Variants in TTN observed in about 807,000 individuals in gnomAD.
TTN encodes connectin.
In TTN, 1,525 loss-of-function variants were observed where a neutral mutation model predicts 3,223.0. That is an observed-to-expected ratio of 0.47 (90% confidence interval 0.45 to 0.49). TTN has a LOEUF of 0.49. TTN is among the 20% of genes least tolerant of loss of function. TTN has a pLI of 0.00. For missense variants in TTN, 40,786 were observed against 43,424.0 expected (o/e 0.94, Z 5.40); for synonymous variants, 14,094 against 15,161.0 (o/e 0.93, Z 5.17).
At position 178,677,655 on chromosome 2, in the gene TTN, T is replaced by C. The variant is rs1355201422; in HGVS notation, c.34257A>G (p.Pro11419=). 2 of 1,611,718 alleles carry C rather than the reference T, an allele frequency of 1.2e-6. No individual in the cohort carries two copies. The highest frequency in any genetic ancestry group is 1.7e-6 in the Non-Finnish European group (2 of 1,178,744). Residue 11419 remains proline, a synonymous_variant, in exon 146 of 363, where the codon CCA becomes CCG. Transcript: ENST00000589042. ...EEFVPEEEVL[P]EVKPKVPVPA... ...GTACTGGCACCTTAGGTTTAACTTCTGGAAGGACTTCTTCTTCAGGTACAA... is the reference window on the plus strand; with the variant it reads ...GTACTGGCACCTTAGGTTTAACTTCCGGAAGGACTTCTTCTTCAGGTACAA...
At chr2:178,765,723 C>G (rs756162774) in intron 41 of TTN, among the ~76,000 whole-genome samples, 1 of 152,158 alleles carries the variant, frequency 6.6e-6, no homozygotes, top group Non-Finnish European at 1.5e-5. Flanking sequence ...CCATTTTTCT[C>G]TTGCATCTAG....
chr2:178,704,332 G>A lies in TTN; in HGVS notation c.30038C>T (p.Ser10013Phe). The change falls in exon 106 of 363, where the codon TCT becomes TTT. Residue 10013 changes from serine to phenylalanine, a missense_variant. Ser to Phe is a radical substitution (Grantham distance 155). Coordinates refer to ENST00000589042, the MANE Select transcript of TTN (RefSeq NM_001267550.2). ...GQTCTMTCQF[S>F]VPNVKSEWFR... is the part of the protein sequence containing the mutation. Reference sequence around the variant, plus strand: ...CCATTCAGATTTTACATTTGGTACAGAAAATTGGCATGTCATGGTGCAAGT... The same window carrying A: ...CCATTCAGATTTTACATTTGGTACAAAAAATTGGCATGTCATGGTGCAAGT... 1 of 1,614,036 alleles carries A rather than the reference G, an allele frequency of 6.2e-7. No homozygotes were observed. The highest frequency in any genetic ancestry group is 1.3e-5 in the African/African-American group (1 of 75,062).
At chr2:178,696,882 C>A (rs1369814422) in intron 113 of TTN, among the ~76,000 whole-genome samples, 1 of 151,998 alleles carries the variant, frequency 6.6e-6, no homozygotes, top group African/African-American at 2.4e-5. Context: ...TCCTTTCTAG[C>A]CCTCACTTCT....
At chr2:178,685,644 A>C in intron 127 of TTN, 46 bp from the exon 128 acceptor site, 1 of 1,577,134 alleles carries the variant, frequency 6.3e-7, no homozygotes, top group East Asian at 2.2e-5. Flanking sequence ...AGTGTTTTTC[A>C]TGTTTATTTT....
rs753370006 is a variant in TTN, at chr2:178,729,559, G to A, written c.18597C>T (p.Pro6199=). Reference sequence around the variant, plus strand: ...CAGGCTTCAGCTCTCTGATAAAGGTGGGGGGTTCTAAAGATTCAAAAGGAA... The same window carrying A: ...CAGGCTTCAGCTCTCTGATAAAGGTAGGGGGTTCTAAAGATTCAAAAGGAA... ...CSIELKVKEP[P]TFIRELKPVE... Residue 6199 remains proline (P), a synonymous_variant, in exon 64 of 363, where the codon CCC becomes CCT. Coordinates refer to ENST00000589042, the MANE Select transcript of TTN (RefSeq NM_001267550.2). 6.2e-7 allele frequency: 1 copy of A among 1,612,300 alleles called. No homozygotes were observed. Among genetic ancestry groups the A allele is most frequent in the Non-Finnish European group, 8.5e-7 (1 of 1,178,972 alleles).
chr2:178,636,181 G>A lies in TTN; in HGVS notation c.41390C>T (p.Pro13797Leu), dbSNP rs1205515315. The change falls in exon 226 of 363, where the codon CCA becomes CTA. Residue 13797 changes from proline (P) to leucine (L), a missense_variant. Coordinates refer to ENST00000589042, the MANE Select transcript of TTN (RefSeq NM_001267550.2). The surrounding 1 kb of genome is among the most constrained non-coding windows in gnomAD (Gnocchi z 4.3). ...GTTTAACTCGCAGCTCAAGTACAAT[G>A]GCTGTCCTTTGACCACTGTGACTTC... is the stretch of plus-strand genomic sequence containing the variant. ...EEEVTVVKGQ[P>L]LYLSCELNKE... 2.5e-6 allele frequency: 4 copies of A among 1,611,852 alleles called. No homozygotes were observed. The highest frequency in any genetic ancestry group is 3.4e-6 in the Non-Finnish European group (4 of 1,178,826).
Position 178,651,920 on chromosome 2 carries a change from C to T in TTN, c.39343G>A (p.Val13115Ile), listed in dbSNP as rs780637105. 115 of 1,610,232 alleles carry T rather than the reference C, an allele frequency of 7.1e-5. No homozygotes were observed. The highest frequency in any genetic ancestry group is 9.3e-5 in the Non-Finnish European group (110 of 1,178,294). The change falls in exon 205 of 363, where the codon GTT becomes ATT. Residue 13115 changes from valine to isoleucine, a missense_variant. By Grantham distance (29) the Val-to-Ile change is conservative. Coordinates refer to ENST00000589042, the MANE Select transcript of TTN (RefSeq NM_001267550.2). ...EVALEEPPAE[V>I]VEEPEPAAPP... ...GCCGCTGGCTCTGGCTCTTCCACAA[C>T]TTCAGCAGGAGGCTCTTCTAGGGCA...
intron 132 of TTN, 114 bp from the exon 133 acceptor site, chr2:178,684,196 TA>T: frequency 7.2e-7 from 1 of 1,384,626 alleles, no homozygotes; most frequent in South Asian, 1.3e-5. Flanking sequence ...ATTTCAAACA[TA>T]AAACAACAAC....
chr2:178,695,228 T>C, intron 115 of TTN, 120 bp downstream of exon 115: 1 of 689,418 alleles, frequency 1.5e-6, no homozygotes, highest in Non-Finnish European at 2.4e-6. Context: ...TCATTCACAA[T>C]AAAGCTTAGA....
rs780884473 is a variant in TTN, at chr2:178,533,248, A to C, written c.103367T>G (p.Leu34456Arg). ...CTTGAATTCCTGTTTCTTGTACCTC[A>C]GGCGTTCCACTTGTAGGTGAGCCTG... ...SCQAHLQVER[L>R]RYKKQEFKSK... Residue 34456 changes from leucine (L) to arginine (R), a missense_variant, in exon 358 of 363, where the codon CTG becomes CGG. Transcript: ENST00000589042. 1 of 1,613,860 alleles carries C rather than the reference A, an allele frequency of 6.2e-7. No homozygotes were observed. The highest frequency in any genetic ancestry group is 2.2e-5 in the East Asian group (1 of 44,864).
chr2:178,668,813 A>T (rs866079240), intron 159 of TTN, among the ~76,000 whole-genome samples: 8 of 151,926 alleles, frequency 5.3e-5, no homozygotes, highest in African/African-American at 1.7e-4. Context: ...TCTATTCACA[A>T]TATTTTACTA....
intron 316 of TTN, 110 bp from the exon 317 acceptor site, chr2:178,580,719 T>A: frequency 8.9e-7 from 1 of 1,119,866 alleles, no homozygotes; most frequent in Non-Finnish European, 1.3e-6. Flanking sequence ...GCTGATTTCT[T>A]GTTCTTTAAA....
chr2:178,805,007 A>G (rs2094247386), intron 1 of TTN, among the ~76,000 whole-genome samples: 1 of 152,242 alleles, frequency 6.6e-6, no homozygotes. Context: ...ATGCAGGGTT[A>G]GTGAAGTGTA....
intron 270 of TTN, among the ~76,000 whole-genome samples, chr2:178,610,593 C>T (rs892703855): frequency 6.6e-6 from 1 of 151,814 alleles, no homozygotes; most frequent in Non-Finnish European, 1.5e-5. Context: ...GTGTGCCAAG[C>T]AAAAATGGCC....
intron 6 of TTN, among the ~76,000 whole-genome samples, chr2:178,797,535 A>C (rs1227233164): frequency 6.6e-6 from 1 of 152,068 alleles, no homozygotes; most frequent in Non-Finnish European, 1.5e-5. Flanking sequence ...AAGTGTTGCA[A>C]ACATTCCCCC....
In TTN at chr2:178,535,283, C is replaced by T; in HGVS notation, c.101332G>A (p.Glu33778Lys). 1 of 1,613,914 alleles carries T rather than the reference C, an allele frequency of 6.2e-7. No individual in the cohort carries two copies. The highest frequency in any genetic ancestry group is 8.5e-7 in the Non-Finnish European group (1 of 1,179,846). Residue 33778 changes from glutamate to lysine, a missense_variant, in exon 358 of 363, where the codon GAA (glutamate) becomes AAA (lysine). Physicochemically the swap from Glu to Lys is moderately conservative, Grantham distance 56. Transcript: ENST00000589042. ...TTATCTTCTTTGGTTATGGTTGGTT[C>T]TGAAGGCTCTGAAGGCTTGCTCAGA... Reference protein sequence around the residue: ...FGLSKPSEPSEPTITKEDKTR... With the variant: ...FGLSKPSEPSKPTITKEDKTR...
chr2:178,706,846 C>G lies in TTN; in HGVS notation c.29134+16G>C. 3.1e-6 allele frequency: 5 copies of G among 1,608,844 alleles called. No homozygotes were observed. The highest frequency in any genetic ancestry group is 4.3e-6 in the Non-Finnish European group (5 of 1,176,206). On this transcript the variant is annotated intron_variant, in intron 101 of 362. Transcript: ENST00000589042. Reference sequence around the variant, plus strand: ...ATAAGATAGATGAAGATGTACTTCTCATGAAGTGCACTTACTTTCTACGAC... The same window carrying G: ...ATAAGATAGATGAAGATGTACTTCTGATGAAGTGCACTTACTTTCTACGAC...
intron 247 of TTN, 25 bp downstream of exon 247, chr2:178,620,690 C>A (rs2058128938): frequency 6.2e-7 from 1 of 1,608,348 alleles, no homozygotes; most frequent in South Asian, 1.1e-5. Context: ...ATGAAAAAAT[C>A]TCTAGTGGTA....
At chr2:178,642,889 G>C (rs895216547) in intron 218 of TTN, among the ~76,000 whole-genome samples, 2 of 151,850 alleles carry the variant, frequency 1.3e-5, no homozygotes, top group Admixed American at 6.6e-5. Flanking sequence ...TAAAATTATA[G>C]AATTATAAAA....
Sources: allele counts gnomAD v4.1 joint callset (sites outside exome capture counted in the v4.1 genomes callset), GRCh38; gene constraint gnomAD v4.1.1; non-coding constraint Gnocchi (gnomAD v3.1); transcripts MANE v1.5; gene names NCBI Gene and HGNC (gene_info 2026-07-23, HGNC 2026-07-21).